Variants in OPCML observed in about 807,000 individuals in gnomAD.
OPCML encodes the protein opioid-binding protein/cell adhesion molecule.
A neutral mutation model predicts 37.8 loss-of-function variants in OPCML; 13 were observed. The ratio of observed to expected loss-of-function variants is 0.34; its 90% CI spans 0.22 to 0.55. The LOEUF is 0.55. Among genes scored for constraint, OPCML ranks in the 20% least tolerant of loss-of-function variants. The pLI, the probability that OPCML is intolerant of heterozygous loss-of-function variation, is 0.91. For missense variants in OPCML, 341 were observed against 435.6 expected (o/e 0.78, Z 1.93); for synonymous variants, 176 against 168.8 (o/e 1.04, Z -0.33).
chr11:132,526,096 T>C (rs2096307710), intron 4 of OPCML, among the ~76,000 whole-genome samples: 2 of 152,152 alleles, frequency 1.3e-5, no homozygotes, highest in Admixed American at 1.3e-4. Context: ...CTGTAAAAGA[T>C]TGGGAATATG....
intron 3 of OPCML, among the ~76,000 whole-genome samples, chr11:132,555,192 A>G (rs955978921): frequency 7.9e-5 from 12 of 152,096 alleles, no homozygotes; most frequent in African/African-American, 2.9e-4. Context: ...GGGTGTATTC[A>G]TCTGTTTCAT....
At chr11:132,527,931 A>AT (rs2137285672) in intron 4 of OPCML, among the ~76,000 whole-genome samples, 1 of 152,004 alleles carries the variant, frequency 6.6e-6, no homozygotes, top group South Asian at 2.1e-4. Flanking sequence ...GATCAGGGTA[A>AT]TATATTTACA....
chr11:132,500,050 C>T (rs1388700508), intron 4 of OPCML, among the ~76,000 whole-genome samples: 1 of 152,174 alleles, frequency 6.6e-6, no homozygotes, highest in East Asian at 1.9e-4. Context: ...TCACCTCATA[C>T]ATCAAATCAG....
intron 1 of OPCML, among the ~76,000 whole-genome samples, chr11:133,207,407 C>G (rs980337754): frequency 6.6e-6 from 1 of 152,106 alleles, no homozygotes; most frequent in Non-Finnish European, 1.5e-5. Context: ...AATTGAATAT[C>G]AGAGTTTTCA....
intron 1 of OPCML, among the ~76,000 whole-genome samples, chr11:133,068,894 C>T (rs542638633): frequency 4.6e-4 from 70 of 152,256 alleles, no homozygotes; most frequent in African/African-American, 1.6e-3. Context: ...TAGGTGGCGT[C>T]GGTCGAAAAT....
intron 1 of OPCML, among the ~76,000 whole-genome samples, chr11:133,172,636 A>G (rs1444624764): frequency 2.0e-5 from 3 of 152,164 alleles, no homozygotes; most frequent in African/African-American, 7.2e-5. Flanking sequence ...CGACACAGTC[A>G]GATTTATTTG....
intron 1 of OPCML, among the ~76,000 whole-genome samples, chr11:133,236,000 C>G (rs148638817): frequency 2.0e-5 from 3 of 152,108 alleles, no homozygotes; most frequent in African/African-American, 7.2e-5. Flanking sequence ...GGTAGTAAAA[C>G]GTTATATATA....
At chr11:133,270,571 G>C (rs564112308) in intron 1 of OPCML, among the ~76,000 whole-genome samples, 1 of 152,244 alleles carries the variant, frequency 6.6e-6, no homozygotes, top group African/African-American at 2.4e-5. Flanking sequence ...TATGCTTTCA[G>C]ATGTGTGCAT....
intron 1 of OPCML, among the ~76,000 whole-genome samples, chr11:133,518,531 G>A (rs1417299205): frequency 1.3e-5 from 2 of 152,046 alleles, no homozygotes; most frequent in African/African-American, 2.4e-5. Context: ...GTGTGTGTGA[G>A]TGTGTGCATA....
chr11:132,610,182 TTAGGAA>T (rs1938554136), intron 3 of OPCML, among the ~76,000 whole-genome samples: 3 of 152,200 alleles, frequency 2.0e-5, no homozygotes, highest in African/African-American at 7.2e-5. Context: ...ATAAGCTAGC[TTAGGAA>T]CACCTATGCC....
At chr11:132,658,378 A>C (rs1941807711) in intron 2 of OPCML, among the ~76,000 whole-genome samples, 1 of 152,190 alleles carries the variant, frequency 6.6e-6, no homozygotes, top group Non-Finnish European at 1.5e-5. Context: ...GGGTGGCAGC[A>C]GTGATCCTTC....
chr11:132,669,130 T>C (rs188857688), intron 2 of OPCML, among the ~76,000 whole-genome samples: 1 of 152,146 alleles, frequency 6.6e-6, no homozygotes, highest in African/African-American at 2.4e-5. Context: ...CAGAATTCAG[T>C]TGGCCCACAG....
chr11:132,856,451 A>G (rs576780537), intron 2 of OPCML, among the ~76,000 whole-genome samples: 1 of 152,324 alleles, frequency 6.6e-6, no homozygotes, highest in South Asian at 2.1e-4. Context: ...GGTGTCTATC[A>G]GGTGATGGTC....
intron 2 of OPCML, among the ~76,000 whole-genome samples, chr11:132,716,217 G>T (rs1311181802): frequency 6.6e-6 from 1 of 152,296 alleles, no homozygotes; most frequent in Middle Eastern, 3.4e-3. Flanking sequence ...ACTCACTCCA[G>T]CCATGTCCTT....
chr11:133,078,898 A>G (rs1470255143), intron 1 of OPCML, among the ~76,000 whole-genome samples: 1 of 152,174 alleles, frequency 6.6e-6, no homozygotes, highest in Non-Finnish European at 1.5e-5. Flanking sequence ...TGCTTGAGAA[A>G]TACAAAGCAC....
At chr11:133,071,665 C>T (rs929876505) in intron 1 of OPCML, among the ~76,000 whole-genome samples, 3 of 152,162 alleles carry the variant, frequency 2.0e-5, no homozygotes, top group Admixed American at 1.3e-4. Context: ...AGAAGTGGAA[C>T]AAGTACTTTC....
At chr11:132,982,586 C>T (rs1946610599) in intron 1 of OPCML, among the ~76,000 whole-genome samples, 1 of 151,656 alleles carries the variant, frequency 6.6e-6, no homozygotes, top group South Asian at 2.1e-4. Flanking sequence ...TGACCCTGAA[C>T]TTGGAGGCAA....
At chr11:133,440,475 C>A (rs1339956005) in intron 1 of OPCML, among the ~76,000 whole-genome samples, 2 of 149,574 alleles carry the variant, frequency 1.3e-5, no homozygotes, top group African/African-American at 4.9e-5. Flanking sequence ...GCCTGTAATC[C>A]CAGCACTTTG....
intron 1 of OPCML, among the ~76,000 whole-genome samples, chr11:133,308,548 G>A (rs930584505): frequency 6.6e-5 from 10 of 151,962 alleles, no homozygotes; most frequent in Non-Finnish European, 8.8e-5. Flanking sequence ...TGGAAAGGTA[G>A]AACAATAGAT....
Sources: allele counts gnomAD v4.1 joint callset (sites outside exome capture counted in the v4.1 genomes callset), GRCh38; gene constraint gnomAD v4.1.1; transcripts MANE v1.5; gene names NCBI Gene and HGNC (gene_info 2026-07-23, HGNC 2026-07-21).